Variants in GPC6 observed in about 807,000 individuals in gnomAD.
GPC6 encodes glypican 6.
GPC6 carries 14 observed loss-of-function variants against 55.2 expected under a neutral mutation model. That is an observed-to-expected ratio of 0.25 (90% CI 0.17 to 0.40). GPC6 has a LOEUF of 0.40. Ranked by LOEUF, GPC6 falls within the 10% of genes least tolerant of loss-of-function variation. The pLI, the probability that GPC6 is intolerant of heterozygous loss-of-function variation, is 1.00. For missense variants in GPC6, 641 were observed against 708.5 expected, an observed-to-expected ratio of 0.90 and a Z score of 1.08; for synonymous variants, 278 against 259.6, an observed-to-expected ratio of 1.07 and a Z score of -0.68.
intron 2 of GPC6, among the ~76,000 whole-genome samples, chr13:93,739,432 ATTT>A (rs200253767): frequency 7.0e-6 from 1 of 142,396 alleles, no homozygotes. Flanking sequence ...CTTCAAATAC[ATTT>A]TTTTTTTTTT....
chr13:93,363,398 T>C (rs1881122454), intron 1 of GPC6, among the ~76,000 whole-genome samples: 1 of 151,860 alleles, frequency 6.6e-6, no homozygotes, highest in South Asian at 2.1e-4. Flanking sequence ...GGTTTTTTGT[T>C]CTTGTGATAG....
At chr13:94,215,003 C>T (rs955056992) in intron 4 of GPC6, among the ~76,000 whole-genome samples, 2 of 152,178 alleles carry the variant, frequency 1.3e-5, no homozygotes, top group Non-Finnish European at 2.9e-5. Flanking sequence ...TAAAGATGTG[C>T]AAAATTTCAG....
intron 5 of GPC6, among the ~76,000 whole-genome samples, chr13:94,294,672 C>T (rs916672812): frequency 2.1e-4 from 32 of 151,122 alleles, no homozygotes; most frequent in Non-Finnish European, 3.8e-4. Context: ...TCAAAATGTT[C>T]GGGGAAAATA....
intron 4 of GPC6, among the ~76,000 whole-genome samples, chr13:94,184,520 C>T (rs1300040541): frequency 6.6e-6 from 1 of 151,988 alleles, no homozygotes; most frequent in African/African-American, 2.4e-5. Context: ...TACACACAAC[C>T]AACAAACTTA....
At chr13:93,516,344 G>A (rs1201618049) in intron 1 of GPC6, among the ~76,000 whole-genome samples, 5 of 152,034 alleles carry the variant, frequency 3.3e-5, no homozygotes, top group South Asian at 2.1e-4. Context: ...TAATGAAGTC[G>A]CCAAGCCCAA....
intron 3 of GPC6, among the ~76,000 whole-genome samples, chr13:93,887,085 G>T (rs931702353): frequency 6.6e-6 from 1 of 151,820 alleles, no homozygotes; most frequent in African/African-American, 2.4e-5. Flanking sequence ...AGAAACCACA[G>T]AAAATAGATT....
At chr13:93,814,684 T>C (rs928873704) in intron 2 of GPC6, among the ~76,000 whole-genome samples, 1 of 152,318 alleles carries the variant, frequency 6.6e-6, no homozygotes, top group Middle Eastern at 3.4e-3. Context: ...AAGTGACCCA[T>C]GAACAAAAGC....
chr13:94,254,497 G>A (rs1028747722), intron 4 of GPC6, among the ~76,000 whole-genome samples: 7 of 151,876 alleles, frequency 4.6e-5, no homozygotes, highest in African/African-American at 1.5e-4. Flanking sequence ...TAAACCACAC[G>A]CACCTTATCT....
At chr13:94,288,915 T>TATATATATAACTA (rs1874759678) in intron 5 of GPC6, among the ~76,000 whole-genome samples, 1 of 128,178 alleles carries the variant, frequency 7.8e-6, no homozygotes, top group Admixed American at 8.5e-5. Flanking sequence ...ATATATTTGT[T>TATATATATAACTA]ATATATATAA....
chr13:93,707,206 GA>G (rs1483674556), intron 2 of GPC6, among the ~76,000 whole-genome samples: 4 of 151,770 alleles, frequency 2.6e-5, no homozygotes, highest in African/African-American at 9.6e-5. Context: ...TGGACACACA[GA>G]GGGGAACAAC....
intron 2 of GPC6, among the ~76,000 whole-genome samples, chr13:93,676,517 T>C (rs1261929747): frequency 6.6e-6 from 1 of 152,072 alleles, no homozygotes; most frequent in Non-Finnish European, 1.5e-5. Flanking sequence ...TGTGGGCAAC[T>C]GAGGTAAGCT....
intron 3 of GPC6, among the ~76,000 whole-genome samples, chr13:93,975,595 T>A (rs902854280): frequency 6.6e-6 from 1 of 152,178 alleles, no homozygotes; most frequent in Non-Finnish European, 1.5e-5. Flanking sequence ...ATGAGTTTTT[T>A]ATTGAAAAAT....
rs534146148 is a variant in GPC6 at position 93,453,579 on chromosome 13, C to T, written c.161-91684C>T. ...TGTTACAACTCTTAAGGTGGCACAT[C>T]TGGAGTTTGTTCCTTCTGATGTTCG... is the stretch of plus-strand genomic sequence containing the variant. On this transcript the variant is annotated intron_variant, in intron 1 of 8. Coordinates refer to ENST00000377047, the MANE Select transcript of GPC6 (RefSeq NM_005708.5). Among the ~76,000 whole-genome samples the T allele has an allele frequency of 1.2e-4, 11 of 94,510 alleles. 1 individual carries two copies. Among genetic ancestry groups the T allele is most frequent in the African/African-American group, 3.6e-4 (10 of 27,650 alleles). The allele number at this position is 94,510 out of a possible 152,430, so 62.0% of individuals were successfully genotyped here. A position where few individuals can be genotyped will look rare whatever the true frequency, so the allele number is the denominator to read the frequency against.
chr13:94,148,580 A>G (rs1887636449), intron 4 of GPC6, among the ~76,000 whole-genome samples: 1 of 152,186 alleles, frequency 6.6e-6, no homozygotes, highest in Non-Finnish European at 1.5e-5. Context: ...TAGGATGTAA[A>G]CATTAGATAG....
rs1341304802 is a variant in GPC6, at chr13:94,363,533, G to C, written c.1153-18881G>C. Among the ~76,000 whole-genome samples the C allele has an allele frequency of 2.6e-5, 4 of 152,314 alleles. No homozygotes were observed. In the South Asian group the frequency reaches 8.3e-4, roughly 32 times the overall value. On this transcript the variant is annotated intron_variant, in intron 6 of 8. Coordinates refer to ENST00000377047, the MANE Select transcript of GPC6 (RefSeq NM_005708.5). Reference sequence around the variant, plus strand: ...AACCTACTCAAAAAGTTCAGAAGAAGATACTGAACTCTCTAATGTTGAGCT... The same window carrying C: ...AACCTACTCAAAAAGTTCAGAAGAACATACTGAACTCTCTAATGTTGAGCT...
chr13:94,385,868 T>TTTTAG (rs1880380063), intron 7 of GPC6, among the ~76,000 whole-genome samples: 1 of 152,198 alleles, frequency 6.6e-6, no homozygotes, highest in Non-Finnish European at 1.5e-5. Flanking sequence ...ACTTTTGAAT[T>TTTTAG]ATGAGTTTTA....
intron 2 of GPC6, among the ~76,000 whole-genome samples, chr13:93,591,191 C>T (rs563313191): frequency 6.7e-6 from 1 of 148,230 alleles, no homozygotes; most frequent in Non-Finnish European, 1.5e-5. Context: ...CTTTCGGGTG[C>T]GGTGGCTCAT....
chr13:94,342,450 A>C (rs2139157767), intron 6 of GPC6, among the ~76,000 whole-genome samples: 1 of 152,300 alleles, frequency 6.6e-6, no homozygotes, highest in South Asian at 2.1e-4. Flanking sequence ...CAGAGATGGC[A>C]GTGATGCAGC....
At chr13:94,218,437 T>C (rs1334639430) in intron 4 of GPC6, among the ~76,000 whole-genome samples, 1 of 152,202 alleles carries the variant, frequency 6.6e-6, no homozygotes, top group Non-Finnish European at 1.5e-5. Context: ...AGGGTTTGTT[T>C]GGGGCTATCA....
Sources: allele counts gnomAD v4.1 joint callset (sites outside exome capture counted in the v4.1 genomes callset), GRCh38; gene constraint gnomAD v4.1.1; transcripts MANE v1.5; gene names NCBI Gene and HGNC (gene_info 2026-07-23, HGNC 2026-07-21).